Variants in ZNF777 observed in about 807,000 individuals in gnomAD.
ZNF777 encodes the protein zinc finger protein 777.
ZNF777 carries 7 observed loss-of-function variants against 72.1 expected under a neutral mutation model. The ratio of observed to expected loss-of-function variants is 0.10; its 90% confidence interval spans 0.06 to 0.18. ZNF777 has a LOEUF of 0.18. Among genes scored for constraint, ZNF777 ranks in the 10% least tolerant of loss-of-function variants. ZNF777 has a pLI of 1.00. For synonymous variants in ZNF777, 545 were observed against 483.5 expected (o/e 1.13, Z -1.67); for missense variants, 828 against 1,128.6 (o/e 0.73, Z 3.82).
chr7:149,450,526 G>A (rs1281522386), intron 4 of ZNF777, among the ~76,000 whole-genome samples: 2 of 152,200 alleles, frequency 1.3e-5, no homozygotes, highest in Non-Finnish European at 2.9e-5. Flanking sequence ...CCTCTGGTCA[G>A]TCTCGCTGGG....
chr7:149,450,207 A>T (rs529865399), intron 4 of ZNF777, among the ~76,000 whole-genome samples: 1 of 152,226 alleles, frequency 6.6e-6, no homozygotes, highest in South Asian at 2.1e-4. Context: ...GTTCCAAAGC[A>T]GGGGCTTCAG....
In ZNF777 at chr7:149,455,305, C is replaced by T. The variant is rs754885865; in HGVS notation, c.718G>A (p.Val240Met). 2.1e-5 allele frequency: 34 copies of T among 1,614,130 alleles called. No homozygotes were observed. The highest frequency in any genetic ancestry group is 4.5e-5 in the East Asian group (2 of 44,892). The change falls in exon 2 of 6, where the codon GTG becomes ATG. Residue 240 changes from valine to methionine, a missense_variant. Physicochemically the swap from Val to Met is conservative, Grantham distance 21 (BLOSUM62 1). This residue lies in a region of ZNF777 where 76 missense variants were observed against 157.3 expected (regional missense o/e 0.48). Transcript: ENST00000247930. This position sits in a 1 kb window ranked among gnomAD's most constrained non-coding sequence, Gnocchi z 4.2. ...FANHLESKWVVLGTLLQEYGL... is the reference protein window; with the variant it reads ...FANHLESKWVMLGTLLQEYGL... ...TACTCCTGCAGCAGGGTCCCCAACACGACCCACTTGCTCTCCAGATGGTTC... is the reference window on the plus strand; with the variant it reads ...TACTCCTGCAGCAGGGTCCCCAACATGACCCACTTGCTCTCCAGATGGTTC...
At chr7:149,458,502 G>GAAATGAAACAAAACA in intron 1 of ZNF777, among the ~76,000 whole-genome samples, 1 of 149,356 alleles carries the variant, frequency 6.7e-6, no homozygotes, top group Non-Finnish European at 1.5e-5. Context: ...CTGAAACAAT[G>GAAATGAAACAAAACA]AAACAAAACA....
At chr7:149,448,536 TATATATATAGTTATAC>T (rs1799651653) in intron 4 of ZNF777, among the ~76,000 whole-genome samples, 1 of 139,074 alleles carries the variant, frequency 7.2e-6, no homozygotes, top group Non-Finnish European at 1.5e-5. Flanking sequence ...TACATATAGT[TATATATATAGTTATAC>T]ATATAGTTAT....
intron 1 of ZNF777, among the ~76,000 whole-genome samples, 175 bp from the exon 2 acceptor site, chr7:149,456,212 A>G (rs1194124807): frequency 6.6e-6 from 1 of 152,146 alleles, no homozygotes; most frequent in Non-Finnish European, 1.5e-5. Context: ...CATCAATTAT[A>G]CCACTATTAT....
intron 1 of ZNF777, among the ~76,000 whole-genome samples, chr7:149,458,384 A>G (rs1799873842): frequency 6.6e-6 from 1 of 152,208 alleles, no homozygotes; most frequent in Non-Finnish European, 1.5e-5. Context: ...GGCACATTAC[A>G]GCCCTTGCCT....
rs1487458636 is a variant in ZNF777 at position 149,432,457 on chromosome 7, G to A, written c.1815C>T (p.Pro605=). ...TGGGGTTGAACGTGGGCCCGCGTTC[G>A]GGTGAGACGCAGCCTCCGCGCACGC... The part of the protein sequence containing the change: ...IHRVRGGCVS[P]ERGPTFNPKH... Residue 605 remains proline, a synonymous_variant, in exon 6 of 6, where the codon CCC becomes CCT. Transcript: ENST00000247930. The A allele has an allele frequency of 5.0e-6, 8 of 1,613,460 alleles. No individual in the cohort carries two copies. Among genetic ancestry groups the A allele is most frequent in the Non-Finnish European group, 6.8e-6 (8 of 1,179,922 alleles).
rs371384674 is a variant in ZNF777, at chr7:149,431,923, G to A, written c.2349C>T (p.Cys783=). 107 of 1,609,726 alleles carry A rather than the reference G, an allele frequency of 6.6e-5. No homozygotes were observed. Among genetic ancestry groups the A allele is most frequent in the Non-Finnish European group, 8.5e-5 (100 of 1,179,498 alleles). ...TGERPYHCAE[C]GKRFTQKHHL... is the part of the protein sequence containing the mutation. ...GATGCTTCTGCGTGAAGCGCTTGCC[G>A]CACTCGGCGCAGTGGTAGGGCCGCT... The change falls in exon 6 of 6, where the codon TGC becomes TGT. Residue 783 remains cysteine, a synonymous_variant. Transcript: ENST00000247930.
At chr7:149,457,711 C>T (rs745592937) in intron 1 of ZNF777, among the ~76,000 whole-genome samples, 8 of 152,202 alleles carry the variant, frequency 5.3e-5, no homozygotes, top group East Asian at 1.9e-4. Context: ...GCCTCTGCCG[C>T]GAACCAGACA....
intron 5 of ZNF777, among the ~76,000 whole-genome samples, chr7:149,433,687 C>T (rs1799363745): frequency 6.6e-6 from 1 of 152,202 alleles, no homozygotes; most frequent in Non-Finnish European, 1.5e-5. Context: ...CCTTTTGCAG[C>T]CTCTCATGGG....
chr7:149,455,813 C>G lies in ZNF777; in HGVS notation c.210G>C (p.Arg70=). ...GTCCCTTCTGGAGCACATGTGGCAT[C>G]CGGCCAGAAGTCTCTTGCTTGGGAG... ...SSAPKQETSG[R]MPHVLQKGPS... The change falls in exon 2 of 6, where the codon CGG becomes CGC. Residue 70 remains arginine (R), a synonymous_variant. Transcript: ENST00000247930. The surrounding 1 kb of genome is among the most constrained non-coding windows in gnomAD (Gnocchi z 4.2). 6.2e-7 allele frequency: 1 copy of G among 1,612,808 alleles called. No homozygotes were observed. Among genetic ancestry groups the G allele is most frequent in the South Asian group, 1.1e-5 (1 of 90,994 alleles).
chr7:149,453,907 T>C (rs1298998197), intron 3 of ZNF777, among the ~76,000 whole-genome samples: 3 of 152,254 alleles, frequency 2.0e-5, no homozygotes, highest in Non-Finnish European at 4.4e-5. Flanking sequence ...GAGTGGGGTC[T>C]CAATTTACAA....
chr7:149,454,067 G>A, intron 3 of ZNF777, 44 bp downstream of exon 3: 1 of 1,611,122 alleles, frequency 6.2e-7, no homozygotes, highest in Admixed American at 1.7e-5. Context: ...TGCACTTTGA[G>A]CTGGCGTCCA....
chr7:149,442,253 A>T (rs1799532367), intron 4 of ZNF777, among the ~76,000 whole-genome samples: 1 of 148,238 alleles, frequency 6.7e-6, no homozygotes, highest in Non-Finnish European at 1.5e-5. Context: ...ATTTGAATAC[A>T]TAAAAGTTAA....
chr7:149,450,540 A>G (rs1021723109), intron 4 of ZNF777, among the ~76,000 whole-genome samples: 1 of 152,208 alleles, frequency 6.6e-6, no homozygotes, highest in African/African-American at 2.4e-5. Flanking sequence ...CGCTGGGTGC[A>G]TATCTGCTGA....
At chr7:149,448,510 T>TATATATATATATATATATATAAAA (rs1351675498) in intron 4 of ZNF777, among the ~76,000 whole-genome samples, 18 of 122,342 alleles carry the variant, frequency 1.5e-4, no homozygotes, top group African/African-American at 6.8e-4. Context: ...TATATATATA[T>TATATATATATATATATATATAAAA]AACTATATAT....
At chr7:149,448,052 C>T (rs1799635962) in intron 4 of ZNF777, among the ~76,000 whole-genome samples, 1 of 152,172 alleles carries the variant, frequency 6.6e-6, no homozygotes, top group South Asian at 2.1e-4. Context: ...GTGTAACAGT[C>T]TATCATACTG....
intron 3 of ZNF777, among the ~76,000 whole-genome samples, chr7:149,452,392 A>T (rs889908982): frequency 7.9e-5 from 12 of 152,130 alleles, no homozygotes; most frequent in African/African-American, 2.2e-4. Context: ...GCACTTTGGG[A>T]GGCCGAGGTG....
chr7:149,459,970 G>A, intron 1 of ZNF777: 1 of 933,760 alleles, frequency 1.1e-6, no homozygotes, highest in Non-Finnish European at 1.3e-6. Flanking sequence ...CAAGACGCGC[G>A]GGCCCCCTCC....
Sources: gnomAD v4.1 joint callset for allele counts (sites outside exome capture counted in the v4.1 genomes callset) on GRCh38, gnomAD v4.1.1 for gene constraint, gnomAD v4.1.1 regional missense constraint, Gnocchi (gnomAD v3.1) non-coding constraint, MANE v1.5 for transcripts, NCBI Gene and HGNC (gene_info 2026-07-23, HGNC 2026-07-21) for gene names.